The following HMGB1 variants were observed in gnomAD, a reference collection of about 807,000 sequenced individuals.
The protein encoded by HMGB1 is high mobility group box 1.
For synonymous variants in HMGB1, 81 were observed against 84.0 expected, an observed-to-expected ratio of 0.96 and a Z score of 0.19; for missense variants, 79 against 253.5, an observed-to-expected ratio of 0.31 and a Z score of 4.67.
At chr13:30,465,183 CCCGCCGCCCGGCCGCCG>C (rs1886688778) in intron 1 of HMGB1, 2 of 941,344 alleles carry the variant, frequency 2.1e-6, no homozygotes, top group South Asian at 4.8e-5. Context: ...CGCCGCTCCC[CCCGCCGCCCGGCCGCCG>C]CCGCCGCCGC....
At chr13:30,516,478 T>C (rs1888104675) in intron 1 of HMGB1, among the ~76,000 whole-genome samples, 1 of 152,232 alleles carries the variant, frequency 6.6e-6, no homozygotes, top group Admixed American at 6.5e-5. Flanking sequence ...AGCCATACCA[T>C]ATATGTATTT....
chr13:30,498,626 A>AATCATT (rs770542433), intron 1 of HMGB1, among the ~76,000 whole-genome samples: 1 of 143,968 alleles, frequency 6.9e-6, no homozygotes, highest in Non-Finnish European at 1.5e-5. Flanking sequence ...GGAATCAGCA[A>AATCATT]ATTATTATTA....
At chr13:30,544,445 G>A (rs1230254807) in intron 1 of HMGB1, among the ~76,000 whole-genome samples, 3 of 152,192 alleles carry the variant, frequency 2.0e-5, no homozygotes, top group East Asian at 3.9e-4. Context: ...CCCAACCTCC[G>A]GGGAGGGAAG....
In HMGB1 at chr13:30,586,479, G is replaced by GT. The variant is rs11315470; in HGVS notation, c.-15+30191dup. 1.4e-3 allele frequency among the ~76,000 whole-genome samples: 146 copies of GT among 105,080 alleles called. 4 individuals carry two copies. Among genetic ancestry groups the GT allele is most frequent in the African/African-American group, 1.8e-3 (58 of 32,192 alleles). 68.9% of individuals were successfully genotyped at this position (105,080 alleles called of 152,430 possible). On this transcript the variant is annotated intron_variant, in intron 1 of 4. Transcript: ENST00000405805. ...AACACTGAAATCACTGGTTTTTTTT[G>GT]TTTTTTTTTTTTTTTTTTTTTTTTT...
At chr13:30,614,494 G>C (rs1950541998) in intron 1 of HMGB1, among the ~76,000 whole-genome samples, 1 of 152,174 alleles carries the variant, frequency 6.6e-6, no homozygotes, top group Non-Finnish European at 1.5e-5. Flanking sequence ...CAGCAGAAGA[G>C]ATGGGATTAG....
At chr13:30,549,881 T>TA (rs770817133) in intron 1 of HMGB1, among the ~76,000 whole-genome samples, 16 of 152,002 alleles carry the variant, frequency 1.1e-4, no homozygotes, top group Non-Finnish European at 2.2e-4. Context: ...CACGCCTGGC[T>TA]AATTTTTGTA....
chr13:30,461,896 C>T (rs1886365167), intron 4 of HMGB1, among the ~76,000 whole-genome samples: 1 of 152,004 alleles, frequency 6.6e-6, no homozygotes, highest in South Asian at 2.1e-4. Context: ...CAGGTTTACA[C>T]TGTCAGACCT....
At chr13:30,572,046 G>A (rs1593319315) in intron 1 of HMGB1, among the ~76,000 whole-genome samples, 1 of 152,128 alleles carries the variant, frequency 6.6e-6, no homozygotes, top group African/African-American at 2.4e-5. Flanking sequence ...ATAGCTTCAG[G>A]CCTAATTTTG....
intron 1 of HMGB1, among the ~76,000 whole-genome samples, chr13:30,608,072 A>C (rs1950477868): frequency 6.6e-6 from 1 of 152,142 alleles, no homozygotes; most frequent in Non-Finnish European, 1.5e-5. Flanking sequence ...TGTGAAAGAC[A>C]CTGTGGTTTC....
rs555640843 is a variant in HMGB1 at position 30,485,608 on chromosome 13, G to A, written c.-14-21914C>T. ...ATGCTGAGACTTATAAATAAAAGTA[G>A]ATAAAGAGAAGAAAAGACAGCAGAT... On this transcript the variant is annotated intron_variant, in intron 1 of 4. Coordinates refer to the HMGB1 transcript ENST00000405805. Among the ~76,000 whole-genome samples the A allele has an allele frequency of 2.0e-4, 31 of 152,146 alleles. 1 individual carries two copies. The highest frequency in any genetic ancestry group is 3.5e-4 in the Non-Finnish European group (24 of 68,024).
chr13:30,592,901 C>T (rs557930475), intron 1 of HMGB1, among the ~76,000 whole-genome samples: 3 of 147,794 alleles, frequency 2.0e-5, no homozygotes, highest in South Asian at 2.1e-4. Context: ...ATCCCTGGGA[C>T]ACTTCATATA....
chr13:30,525,057 A>T (rs2137479076), intron 1 of HMGB1, among the ~76,000 whole-genome samples: 1 of 152,240 alleles, frequency 6.6e-6, no homozygotes, highest in East Asian at 1.9e-4. Context: ...GATTGAGTTT[A>T]AATCCGAACT....
intron 1 of HMGB1, among the ~76,000 whole-genome samples, chr13:30,571,356 G>A (rs1340107741): frequency 4.4e-4 from 66 of 150,492 alleles, no homozygotes; most frequent in African/African-American, 1.5e-3. Flanking sequence ...GTGCAGTGGC[G>A]CAATCTTGGC....
At chr13:30,582,410 G>A (rs755372521) in intron 1 of HMGB1, among the ~76,000 whole-genome samples, 36 of 151,968 alleles carry the variant, frequency 2.4e-4, no homozygotes, top group Non-Finnish European at 3.5e-4. Flanking sequence ...AGTCCGAGGC[G>A]GGCAGATCAC....
intron 1 of HMGB1, among the ~76,000 whole-genome samples, chr13:30,576,070 C>A (rs1870641567): frequency 6.6e-6 from 1 of 152,204 alleles, no homozygotes. Flanking sequence ...TCCTCTGAGA[C>A]AAAGTCTTTG....
chr13:30,558,521 A>T (rs950127937), intron 1 of HMGB1, among the ~76,000 whole-genome samples: 1 of 152,202 alleles, frequency 6.6e-6, no homozygotes, highest in African/African-American at 2.4e-5. Flanking sequence ...TTTTTTTTTA[A>T]GATGAAAAAA....
chr13:30,480,186 A>T (rs1887194280), intron 1 of HMGB1, among the ~76,000 whole-genome samples: 1 of 152,276 alleles, frequency 6.6e-6, no homozygotes, highest in Non-Finnish European at 1.5e-5. Flanking sequence ...AAATCATAGA[A>T]GTTCATAAAC....
In HMGB1 at chr13:30,465,121, T is replaced by C. The variant is rs1252690973; in HGVS notation, c.-15+675A>G. 5.2e-6 allele frequency: 5 copies of C among 958,464 alleles called. No individual in the cohort carries two copies. The Admixed American group carries it at 2.0e-4, about 38-fold the overall frequency. The allele number at this position is 958,464 out of a possible 1,614,324, so 59.4% of individuals were successfully genotyped here. A position where few individuals can be genotyped will look rare whatever the true frequency, so the allele number is the denominator to read the frequency against. ...CCCCGCCCGCCCGCCTTGTTTTCTC[T>C]CCAGCCAGCAGCGCCGGGCCCGAGT... On this transcript the variant is annotated intron_variant, in intron 1 of 4. Coordinates refer to ENST00000341423, the MANE Select transcript of HMGB1 (RefSeq NM_002128.7).
chr13:30,507,258 T>G (rs1331308128), intron 1 of HMGB1, among the ~76,000 whole-genome samples: 1 of 152,170 alleles, frequency 6.6e-6, no homozygotes, highest in East Asian at 1.9e-4. Flanking sequence ...CCCATAAGAC[T>G]CAGCTTCAGC....
Sources: allele counts gnomAD v4.1 joint callset (sites outside exome capture counted in the v4.1 genomes callset), GRCh38; gene constraint gnomAD v4.1.1; transcripts MANE v1.5; gene names NCBI Gene and HGNC (gene_info 2026-07-23, HGNC 2026-07-21).